CACNA1H: variants seen among roughly 807,000 people sequenced by gnomAD.
The protein encoded by CACNA1H is calcium voltage-gated channel subunit alpha1 H.
CACNA1H carries 149 observed loss-of-function variants against 192.5 expected under a neutral mutation model. The ratio of observed to expected loss-of-function variants is 0.77; its 90% confidence interval spans 0.68 to 0.89. The LOEUF (loss-of-function observed/expected upper bound fraction) is 0.89. Among genes scored for constraint, CACNA1H ranks in the 40% least tolerant of loss-of-function variants. The probability of loss-of-function intolerance (pLI) is 0.00; values close to 1 mark genes in which losing one functional copy is unlikely to be tolerated. For missense variants in CACNA1H, 4,257 were observed against 3,423.5 expected (o/e 1.24, Z -6.08); for synonymous variants, 2,202 against 1,475.2 (o/e 1.49, Z -11.29).
At chr16:1,171,506 A>G (rs1298329717) in intron 2 of CACNA1H, among the ~76,000 whole-genome samples, 1 of 152,156 alleles carries the variant, frequency 6.6e-6, no homozygotes, top group African/African-American at 2.4e-5. Flanking sequence ...TCTGGAAACA[A>G]AGGTCGAATG....
chr16:1,202,958 G>T (rs922136131), intron 9 of CACNA1H, among the ~76,000 whole-genome samples: 1 of 152,086 alleles, frequency 6.6e-6, no homozygotes, highest in East Asian at 1.9e-4. Flanking sequence ...GCGGGGCCTG[G>T]GCCTCTGTCC....
At chr16:1,160,450 G>A (rs911309355) in intron 2 of CACNA1H, among the ~76,000 whole-genome samples, 3 of 152,150 alleles carry the variant, frequency 2.0e-5, no homozygotes, top group South Asian at 2.1e-4. Context: ...GGCGGGGCTC[G>A]GGGAAGGAGC....
intron 18 of CACNA1H, 35 bp from the exon 19 acceptor site, chr16:1,210,330 GCCGCC>G: frequency 2.1e-6 from 3 of 1,407,112 alleles, no homozygotes; most frequent in Non-Finnish European, 1.9e-6. Flanking sequence ...TGCCATCCAC[GCCGCC>G]CCGCCCCACC....
At chr16:1,211,325 C>T (rs1463739063) in intron 22 of CACNA1H, 31 bp downstream of exon 22, 30 of 1,612,156 alleles carry the variant, frequency 1.9e-5, no homozygotes, top group Admixed American at 3.3e-5. Flanking sequence ...CGGGGGTCTG[C>T]CCCGTCGCAG....
At position 1,153,819 on chromosome 16, in the gene CACNA1H, G is replaced by A. The variant is rs1162965899; in HGVS notation, c.82G>A (p.Ala28Thr). 2.4e-6 allele frequency: 3 copies of A among 1,273,574 alleles called. No homozygotes were observed. The highest frequency in any genetic ancestry group is 2.0e-6 in the Non-Finnish European group (2 of 1,010,734). 78.9% of individuals were successfully genotyped at this position (1,273,574 alleles called of 1,614,324 possible). A position where few individuals can be genotyped will look rare whatever the true frequency, so the allele number is the denominator to read the frequency against. Residue 28 changes from alanine to threonine, a missense_variant, in exon 2 of 35, where the codon GCG becomes ACG. Coordinates refer to ENST00000348261, the MANE Select transcript of CACNA1H (RefSeq NM_021098.3). The part of the protein sequence containing the change: ...PPPGPAALVG[A>T]SPESPGAPGR... ...CCCTGGCCCTGCGGCGTTGGTGGGG[G>A]CGTCCCCGGAGAGCCCCGGGGCGCC... is the stretch of plus-strand genomic sequence containing the variant.
intron 2 of CACNA1H, chr16:1,157,172 GGGACCCTGCTTC>G (rs764205558): frequency 2.0e-5 from 3 of 152,184 alleles, no homozygotes; most frequent in Admixed American, 1.3e-4. Flanking sequence ...GCCAGGAAGG[GGGACCCTGCTTC>G]GGTCCCTGCG....
At chr16:1,177,616 G>T (rs1965020230) in intron 2 of CACNA1H, among the ~76,000 whole-genome samples, 1 of 152,104 alleles carries the variant, frequency 6.6e-6, no homozygotes, top group African/African-American at 2.4e-5. Flanking sequence ...TGCTTGGGCT[G>T]TGACAGAAAT....
At chr16:1,158,242 G>A (rs1425453526) in intron 2 of CACNA1H, among the ~76,000 whole-genome samples, 1 of 152,212 alleles carries the variant, frequency 6.6e-6, no homozygotes, top group Non-Finnish European at 1.5e-5. Flanking sequence ...AGACACAGAT[G>A]GGGCTGAGAC....
rs926852088 is a variant in CACNA1H, at chr16:1,180,246, C to G, written c.300-14726C>G. On this transcript the variant is annotated intron_variant, in intron 2 of 34. Transcript: ENST00000348261. The surrounding 1 kb of genome is among the most constrained non-coding windows in gnomAD (Gnocchi z 4.4). ...TTGCAGAACACGGGGCGTTGCAGGC[C>G]GGAGCTGGGTTTTCACACAGATTGA... 6.6e-6 allele frequency among the ~76,000 whole-genome samples: 1 copy of G among 152,160 alleles called. No individual in the cohort carries two copies. The highest frequency in any genetic ancestry group is 1.5e-5 in the Non-Finnish European group (1 of 68,046).
chr16:1,194,966 C>A lies in CACNA1H; in HGVS notation c.300-6C>A, dbSNP rs755354027. The A allele has an allele frequency of 2.5e-6, 4 of 1,604,680 alleles. No homozygotes were observed. The highest frequency in any genetic ancestry group is 1.3e-5 in the African/African-American group (1 of 74,828). On this transcript the variant is annotated splice_region_variant and splice_polypyrimidine_tract_variant and intron_variant, in intron 2 of 34. Coordinates refer to ENST00000348261, the MANE Select transcript of CACNA1H (RefSeq NM_021098.3). ...CGCCGGTGTGCTCCTTAACCCGCGG[C>A]GACACATGGTTCGAGCACGTGAGCA...
chr16:1,161,081 G>T (rs1314538188), intron 2 of CACNA1H, among the ~76,000 whole-genome samples: 1 of 152,158 alleles, frequency 6.6e-6, no homozygotes, highest in African/African-American at 2.4e-5. Context: ...TGCACCCCCA[G>T]CCCTGCTTTG....
intron 2 of CACNA1H, among the ~76,000 whole-genome samples, chr16:1,187,626 G>A (rs1043284484): frequency 3.9e-5 from 6 of 152,226 alleles, no homozygotes; most frequent in South Asian, 2.1e-4. Context: ...CTGCCACCCC[G>A]GCACTGATGT....
intron 5 of CACNA1H, among the ~76,000 whole-genome samples, chr16:1,197,328 C>G (rs1012677157): frequency 1.3e-5 from 2 of 152,352 alleles, no homozygotes; most frequent in Admixed American, 6.5e-5. Context: ...GCCCGGCACC[C>G]ACTGTACGTT....
At position 1,215,089 on chromosome 16, in the gene CACNA1H, T is replaced by C; in HGVS notation, c.5039+8T>C. The C allele has an allele frequency of 6.2e-7, 1 of 1,607,940 alleles. No individual in the cohort carries two copies. Among genetic ancestry groups the C allele is most frequent in the Non-Finnish European group, 8.5e-7 (1 of 1,176,698 alleles). Reference sequence around the variant, plus strand: ...TCGGTTCTTCAAGGACAGGTGTGTGTGGTGGGGCCGTCTTGGGTTCTGGGG... The same window carrying C: ...TCGGTTCTTCAAGGACAGGTGTGTGCGGTGGGGCCGTCTTGGGTTCTGGGG... On this transcript the variant is annotated splice_region_variant and intron_variant, in intron 28 of 34. Coordinates refer to ENST00000348261, the MANE Select transcript of CACNA1H (RefSeq NM_021098.3).
chr16:1,188,128 C>G (rs1966249659), intron 2 of CACNA1H, among the ~76,000 whole-genome samples: 1 of 152,244 alleles, frequency 6.6e-6, no homozygotes, highest in South Asian at 2.1e-4. Flanking sequence ...TGGGGTCAGG[C>G]TCTTGCCCCA....
intron 26 of CACNA1H, among the ~76,000 whole-genome samples, chr16:1,213,409 C>T (rs380514): frequency 6.6e-6 from 1 of 152,092 alleles, no homozygotes; most frequent in African/African-American, 2.4e-5. Flanking sequence ...GCCAGGCACC[C>T]AGTTGGGATG....
At chr16:1,213,320 C>T (rs558313197) in intron 26 of CACNA1H, among the ~76,000 whole-genome samples, 2 of 152,320 alleles carry the variant, frequency 1.3e-5, no homozygotes, top group African/African-American at 4.8e-5. Flanking sequence ...GTGTCTCAGC[C>T]TGAGGCCAGG....
At chr16:1,219,484 C>T (rs562750783) in intron 34 of CACNA1H, among the ~76,000 whole-genome samples, 1 of 152,244 alleles carries the variant, frequency 6.6e-6, no homozygotes, top group African/African-American at 2.4e-5. Context: ...GTTTCTCAGG[C>T]CCCATGTGGG....
At position 1,200,335 on chromosome 16, in the gene CACNA1H, C is replaced by G. The variant is rs1254291549; in HGVS notation, c.883C>G (p.Arg295Gly). 5 of 1,603,376 alleles carry G rather than the reference C, an allele frequency of 3.1e-6. No individual in the cohort carries two copies. Among genetic ancestry groups the G allele is most frequent in the Non-Finnish European group, 3.4e-6 (4 of 1,175,670 alleles). Residue 295 changes from arginine to glycine, a missense_variant, in exon 7 of 35, where the codon CGA (arginine) becomes GGA (glycine). Transcript: ENST00000348261. ...EENPFICSSR[R>G]DNGMQKCSHI... ...GAACCCGTTCATCTGCTCCTCACGC[C>G]GAGACAACGGCATGCAGAAGTGCTC...
Sources: allele counts gnomAD v4.1 joint callset (sites outside exome capture counted in the v4.1 genomes callset), GRCh38; gene constraint gnomAD v4.1.1; non-coding constraint Gnocchi (gnomAD v3.1); transcripts MANE v1.5; gene names NCBI Gene and HGNC (gene_info 2026-07-23, HGNC 2026-07-21).